Variants in SAMMSON observed in about 807,000 individuals in gnomAD.
The protein encoded by SAMMSON is long intergenic non-protein coding RNA 1212.
At chr3:70,078,200 C>T (rs1305194780) in intron 4 of SAMMSON, among the ~76,000 whole-genome samples, 2 of 152,108 alleles carry the variant, frequency 1.3e-5, no homozygotes, top group Non-Finnish European at 2.9e-5. Context: ...GCCCGTTGGA[C>T]AGTTACTCTT....
chr3:70,372,596 A>G (rs144384794), intron 9 of SAMMSON, among the ~76,000 whole-genome samples: 115 of 152,192 alleles, frequency 7.6e-4, no homozygotes, highest in African/African-American at 2.6e-3. Context: ...CACCATGCCC[A>G]CACTATTTTT....
chr3:70,300,179 T>A (rs888348266), intron 7 of SAMMSON, among the ~76,000 whole-genome samples: 4 of 152,136 alleles, frequency 2.6e-5, no homozygotes, highest in Non-Finnish European at 4.4e-5. Context: ...TTTTAGCATC[T>A]GCTTTACTTC....
At chr3:70,410,282 G>T (rs904608191) in intron 2 of SAMMSON, among the ~76,000 whole-genome samples, 1 of 152,142 alleles carries the variant, frequency 6.6e-6, no homozygotes, top group Non-Finnish European at 1.5e-5. Context: ...CAGGTATAGT[G>T]TTCATTCTGT....
chr3:70,246,900 A>T (rs1701712313), intron 4 of SAMMSON, among the ~76,000 whole-genome samples: 1 of 152,058 alleles, frequency 6.6e-6, no homozygotes, highest in Admixed American at 6.6e-5. Flanking sequence ...TAGAAATAAT[A>T]TTATATTTAG....
chr3:70,206,512 C>T, intron 4 of SAMMSON: 1 of 396,568 alleles, frequency 2.5e-6, no homozygotes, highest in Non-Finnish European at 4.4e-6. Context: ...GATGATTTTA[C>T]AGGGGATGGG....
At chr3:70,298,969 G>A (rs533064082) in intron 7 of SAMMSON, among the ~76,000 whole-genome samples, 58 of 152,108 alleles carry the variant, frequency 3.8e-4, no homozygotes, top group Non-Finnish European at 7.6e-4. Flanking sequence ...ACTAAGCTGA[G>A]GCATTGATGT....
intron 4 of SAMMSON, among the ~76,000 whole-genome samples, chr3:70,078,050 G>A (rs2067255164): frequency 6.6e-6 from 1 of 152,044 alleles, no homozygotes; most frequent in African/African-American, 2.4e-5. Flanking sequence ...GCCCTCAATG[G>A]TAAACTTCTC....
chr3:70,248,935 A>C (rs1372730679), intron 4 of SAMMSON, among the ~76,000 whole-genome samples: 1 of 152,170 alleles, frequency 6.6e-6, no homozygotes, highest in Non-Finnish European at 1.5e-5. Context: ...TTAAGACATT[A>C]TTCCAATTGA....
intron 7 of SAMMSON, among the ~76,000 whole-genome samples, chr3:70,347,606 A>G (rs1352592987): frequency 1.3e-5 from 2 of 152,196 alleles, no homozygotes; most frequent in African/African-American, 4.8e-5. Flanking sequence ...AATATTTATG[A>G]ATGCTCGTGA....
At chr3:70,404,502 T>C (rs897762882) in intron 2 of SAMMSON, among the ~76,000 whole-genome samples, 12 of 152,102 alleles carry the variant, frequency 7.9e-5, no homozygotes, top group South Asian at 2.1e-4. Flanking sequence ...CTTCTTGGGA[T>C]TCAAGCATAA....
chr3:70,181,655 G>A (rs1169363101), intron 4 of SAMMSON, among the ~76,000 whole-genome samples: 2 of 152,182 alleles, frequency 1.3e-5, no homozygotes, highest in African/African-American at 2.4e-5. Flanking sequence ...TGCAGGGTGG[G>A]AAAAGGACCT....
chr3:70,000,593 CTT>C (rs2066902142), intron 1 of SAMMSON, among the ~76,000 whole-genome samples: 1 of 152,184 alleles, frequency 6.6e-6, no homozygotes, highest in Admixed American at 6.5e-5. Context: ...AAACATTTCT[CTT>C]TTCACATAAC....
In SAMMSON at chr3:70,336,936, G is replaced by A. The variant is rs1375699710; in HGVS notation, n.740-17239G>A. ...GGTTCATCTATTACTAGCTATTCCG[G>A]GACCACCACCAAAGAATCAAATATT... On this transcript the variant is annotated intron_variant and non_coding_transcript_variant, in intron 7 of 9. Coordinates refer to ENST00000642114, the Ensembl canonical transcript of SAMMSON. 2.1e-5 allele frequency among the ~76,000 whole-genome samples: 3 copies of A among 145,120 alleles called. No individual in the cohort carries two copies. The East Asian group carries it at 6.2e-4, about 30-fold the overall frequency.
intron 3 of SAMMSON, among the ~76,000 whole-genome samples, chr3:70,016,946 A>G (rs1228193885): frequency 1.3e-5 from 2 of 152,106 alleles, no homozygotes; most frequent in South Asian, 2.1e-4. Context: ...ATTGGTCTAT[A>G]TATCTGTTTT....
chr3:70,051,221 T>C (rs965863989), intron 3 of SAMMSON, among the ~76,000 whole-genome samples: 2 of 148,530 alleles, frequency 1.3e-5, no homozygotes, highest in African/African-American at 2.5e-5. Flanking sequence ...AAAGGTGAAC[T>C]TGAATTTGGC....
chr3:70,185,506 A>G (rs766073067), intron 4 of SAMMSON, among the ~76,000 whole-genome samples: 2 of 152,150 alleles, frequency 1.3e-5, no homozygotes, highest in Non-Finnish European at 2.9e-5. Context: ...CTGGCATAGA[A>G]TATCTAGCTA....
chr3:70,376,241 G>A (rs1330891974), intron 9 of SAMMSON, among the ~76,000 whole-genome samples: 2 of 152,182 alleles, frequency 1.3e-5, no homozygotes, highest in African/African-American at 4.8e-5. Flanking sequence ...AGAATTCACG[G>A]AAAATTTCCT....
chr3:70,369,465 A>G (rs1282430722), intron 9 of SAMMSON, among the ~76,000 whole-genome samples: 1 of 151,534 alleles, frequency 6.6e-6, no homozygotes, highest in East Asian at 1.9e-4. Context: ...CAATTATGTC[A>G]TCTGCCAACC....
At chr3:70,137,327 A>C (rs1230163783) in intron 4 of SAMMSON, among the ~76,000 whole-genome samples, 1 of 152,212 alleles carries the variant, frequency 6.6e-6, no homozygotes, top group East Asian at 1.9e-4. Flanking sequence ...GCAAACTATG[A>C]CTTATGGGCC....
Sources: gnomAD v4.1 joint callset for allele counts (sites outside exome capture counted in the v4.1 genomes callset) on GRCh38, gnomAD v4.1.1 for gene constraint, MANE v1.5 for transcripts, NCBI Gene and HGNC (gene_info 2026-07-23, HGNC 2026-07-21) for gene names.